DPYD: variants seen among roughly 807,000 people sequenced by gnomAD.
DPYD encodes the protein dihydropyrimidine dehydrogenase [NADP(+)].
Under a neutral mutation model 116.2 loss-of-function variants are expected in DPYD, and 109 were observed. That is an observed-to-expected ratio of 0.94 (90% CI 0.80 to 1.10). DPYD has a LOEUF of 1.10. Among genes scored for constraint, DPYD ranks in the 50% least tolerant of loss-of-function variants. The pLI is 0.00. For synonymous variants in DPYD, 440 were observed against 432.0 expected, an observed-to-expected ratio of 1.02 and a Z score of -0.23; for missense variants, 1,302 against 1,254.5, an observed-to-expected ratio of 1.04 and a Z score of -0.57.
At position 97,561,025 on chromosome 1, in the gene DPYD, G is replaced by A. The variant is rs1157906873; in HGVS notation, c.1340-11281C>T. ...GAAAGCAAGTGAGACAAGAGAGGAA[G>A]TCTGAGAAATAGGCAGGGGCCAAAC... On this transcript the variant is annotated intron_variant, in intron 11 of 22. Transcript: ENST00000370192. 3.9e-5 allele frequency among the ~76,000 whole-genome samples: 6 copies of A among 152,210 alleles called. No homozygotes were observed. The East Asian group carries it at 1.2e-3, about 29-fold the overall frequency.
At chr1:97,502,289 T>C (rs1679626745) in intron 13 of DPYD, among the ~76,000 whole-genome samples, 1 of 152,058 alleles carries the variant, frequency 6.6e-6, no homozygotes, top group Non-Finnish European at 1.5e-5. Flanking sequence ...TTCTGCATTA[T>C]CTAAACTTTG....
chr1:97,742,765 C>T (rs561683239), intron 3 of DPYD, among the ~76,000 whole-genome samples: 46 of 151,980 alleles, frequency 3.0e-4, no homozygotes, highest in African/African-American at 9.4e-4. Context: ...TCTTTTATGT[C>T]GCAATACAAA....
At chr1:97,379,372 C>T (rs1479533909) in intron 15 of DPYD, among the ~76,000 whole-genome samples, 1 of 152,150 alleles carries the variant, frequency 6.6e-6, no homozygotes, top group Non-Finnish European at 1.5e-5. Flanking sequence ...ATTAGTGGAG[C>T]TATTGTAGTT....
chr1:97,302,144 C>T (rs1558012234), intron 18 of DPYD, among the ~76,000 whole-genome samples: 1 of 151,770 alleles, frequency 6.6e-6, no homozygotes, highest in African/African-American at 2.4e-5. Context: ...AAGTTTTCTG[C>T]ATGGATTCTA....
chr1:97,759,634 T>C (rs917860810), intron 3 of DPYD, among the ~76,000 whole-genome samples: 6 of 152,224 alleles, frequency 3.9e-5, no homozygotes, highest in Non-Finnish European at 8.8e-5. Context: ...TTGTTTTAGA[T>C]GAATATTTGT....
At position 97,082,264 on chromosome 1, in the gene DPYD, T is replaced by C. The variant is rs536315424; in HGVS notation, c.2907+66A>G. ...AAATTTCACACATAGCAACAGAAAA[T>C]GCTTTCTGCCGTAAAAACAAGAAGA... On this transcript the variant is annotated intron_variant, in intron 22 of 22. Transcript: ENST00000370192. 6.3e-6 allele frequency: 10 copies of C among 1,595,194 alleles called. No homozygotes were observed. In the East Asian group the frequency reaches 2.2e-4, roughly 36 times the overall value.
intron 3 of DPYD, among the ~76,000 whole-genome samples, chr1:97,819,974 A>C (rs1668833183): frequency 2.0e-5 from 3 of 152,132 alleles, no homozygotes; most frequent in Admixed American, 6.6e-5. Context: ...CAAATCTCTA[A>C]GAATAAGATA....
At chr1:97,487,861 T>G (rs1333483110) in intron 13 of DPYD, among the ~76,000 whole-genome samples, 1 of 152,234 alleles carries the variant, frequency 6.6e-6, no homozygotes, top group African/African-American at 2.4e-5. Flanking sequence ...AAAAACAGTT[T>G]GGCACTTTTT....
chr1:97,693,006 G>A (rs1661095462), intron 6 of DPYD, among the ~76,000 whole-genome samples: 1 of 151,904 alleles, frequency 6.6e-6, no homozygotes, highest in South Asian at 2.1e-4. Context: ...TATAGAAAAT[G>A]CAAGGTATCC....
chr1:97,519,313 G>A (rs1229626788), intron 12 of DPYD, among the ~76,000 whole-genome samples: 1 of 152,116 alleles, frequency 6.6e-6, no homozygotes, highest in Non-Finnish European at 1.5e-5. Context: ...GGCAAAGAGG[G>A]AGAGCTTATG....
chr1:97,723,992 T>C (rs1663067346), intron 4 of DPYD, among the ~76,000 whole-genome samples: 1 of 151,648 alleles, frequency 6.6e-6, no homozygotes, highest in African/African-American at 2.4e-5. Flanking sequence ...AATGCAAGGT[T>C]GGTTTATATC....
At chr1:97,781,354 A>G (rs770007537) in intron 3 of DPYD, among the ~76,000 whole-genome samples, 2 of 152,176 alleles carry the variant, frequency 1.3e-5, no homozygotes, top group African/African-American at 2.4e-5. Context: ...TCATATTTAG[A>G]GTGTAAGCAT....
intron 8 of DPYD, among the ~76,000 whole-genome samples, chr1:97,653,201 G>A (rs986516924): frequency 6.6e-6 from 1 of 152,056 alleles, no homozygotes; most frequent in African/African-American, 2.4e-5. Context: ...ATAGTGCATG[G>A]ACAAATAATA....
chr1:97,596,974 C>T (rs574550197), intron 8 of DPYD, among the ~76,000 whole-genome samples: 4 of 152,218 alleles, frequency 2.6e-5, no homozygotes, highest in African/African-American at 9.6e-5. Flanking sequence ...GACTGTTTCC[C>T]CCTTTTATGA....
intron 3 of DPYD, among the ~76,000 whole-genome samples, chr1:97,779,518 G>C (rs2101202134): frequency 6.6e-6 from 1 of 152,138 alleles, no homozygotes; most frequent in East Asian, 1.9e-4. Context: ...CTCTTTTTGA[G>C]TATCCACAGT....
At chr1:97,401,400 G>A (rs764288086) in intron 14 of DPYD, among the ~76,000 whole-genome samples, 57 of 151,634 alleles carry the variant, frequency 3.8e-4, no homozygotes, top group Non-Finnish European at 1.5e-4. Context: ...TGCAACCTCC[G>A]CCTCCCAGAT....
chr1:97,220,300 G>A (rs1188363917), intron 19 of DPYD, among the ~76,000 whole-genome samples: 1 of 152,116 alleles, frequency 6.6e-6, no homozygotes, highest in Non-Finnish European at 1.5e-5. Context: ...ATCATGTGAT[G>A]TCCTGCCCCA....
At chr1:97,172,754 G>A (rs1459770741) in intron 20 of DPYD, among the ~76,000 whole-genome samples, 12 of 152,092 alleles carry the variant, frequency 7.9e-5, no homozygotes. Flanking sequence ...ATCGGGAGAA[G>A]GAATTAATTA....
At chr1:97,663,329 A>G (rs760766732) in intron 8 of DPYD, among the ~76,000 whole-genome samples, 1 of 152,132 alleles carries the variant, frequency 6.6e-6, no homozygotes. Context: ...CCATCCATTT[A>G]TTTGGTCAAA....
Sources: gnomAD v4.1 joint callset for allele counts (sites outside exome capture counted in the v4.1 genomes callset) on GRCh38, gnomAD v4.1.1 for gene constraint, MANE v1.5 for transcripts, NCBI Gene and HGNC (gene_info 2026-07-23, HGNC 2026-07-21) for gene names.